CDH17: variants seen among roughly 807,000 people sequenced by gnomAD.
CDH17 encodes the protein cadherin 17.
A neutral mutation model predicts 86.3 loss-of-function variants in CDH17; 67 were observed. That is an observed-to-expected ratio of 0.78 (90% CI 0.64 to 0.95). The LOEUF (loss-of-function observed/expected upper bound fraction) is 0.95, where lower values mean the gene tolerates loss of function less well. CDH17 is among the 40% of genes least tolerant of loss of function. The probability of loss-of-function intolerance (pLI) is 0.00; values close to 1 mark genes in which losing one functional copy is unlikely to be tolerated. For missense variants in CDH17, 993 were observed against 1,017.6 expected (o/e 0.98, Z 0.33); for synonymous variants, 367 against 366.4 (o/e 1.00, Z -0.02).
chr8:94,209,086 G>A (rs1814082141), upstream of CDH17, among the ~76,000 whole-genome samples: 1 of 152,072 alleles, frequency 6.6e-6, no homozygotes, highest in Non-Finnish European at 1.5e-5. Context: ...AAATCCAAGG[G>A]TCCCTTCCAA....
At chr8:94,200,404 G>A (rs923533074) in intron 1 of CDH17, among the ~76,000 whole-genome samples, 6 of 152,180 alleles carry the variant, frequency 3.9e-5, no homozygotes, top group Non-Finnish European at 7.4e-5. Context: ...AACCGTCTGC[G>A]TGGAATTTTT....
chr8:94,165,342 A>G (rs1368992088), intron 10 of CDH17, among the ~76,000 whole-genome samples: 1 of 152,260 alleles, frequency 6.6e-6, no homozygotes, highest in East Asian at 1.9e-4. Flanking sequence ...AGCTGTGCCA[A>G]GCTTTCCTCA....
chr8:94,213,808 C>T (rs1038281774), intron 1 of CDH17, among the ~76,000 whole-genome samples: 1 of 152,164 alleles, frequency 6.6e-6, no homozygotes, highest in Admixed American at 6.5e-5. Context: ...AACACCATGG[C>T]GAGCTCTCCT....
intron 14 of CDH17, among the ~76,000 whole-genome samples, chr8:94,148,466 CA>C (rs1812788682): frequency 7.1e-6 from 1 of 141,720 alleles, no homozygotes; most frequent in Non-Finnish European, 1.5e-5. Flanking sequence ...TGCTTGAACC[CA>C]GGAGGTGGAG....
At chr8:94,212,642 A>T (rs1814140910), upstream of CDH17, among the ~76,000 whole-genome samples, 1 of 152,214 alleles carries the variant, frequency 6.6e-6, no homozygotes, top group African/African-American at 2.4e-5. Flanking sequence ...CTTAGCTGAC[A>T]GCCACCTTGC....
At chr8:94,210,134 T>C (rs1339207775), upstream of CDH17, among the ~76,000 whole-genome samples, 1 of 145,142 alleles carries the variant, frequency 6.9e-6, no homozygotes, top group East Asian at 2.0e-4. Flanking sequence ...GACTACAGAA[T>C]CGGGACTGCA....
At chr8:94,203,721 C>G (rs2129647148) in intron 1 of CDH17, among the ~76,000 whole-genome samples, 1 of 152,264 alleles carries the variant, frequency 6.6e-6, no homozygotes, top group African/African-American at 2.4e-5. Context: ...TAGAAACAAG[C>G]AGACAGGTAT....
intron 15 of CDH17, among the ~76,000 whole-genome samples, chr8:94,135,476 C>T (rs1011733912): frequency 4.6e-5 from 7 of 152,152 alleles, no homozygotes; most frequent in South Asian, 2.1e-4. Context: ...ACTAGGATTG[C>T]GATCCCTGCT....
intron 12 of CDH17, among the ~76,000 whole-genome samples, chr8:94,155,316 A>G (rs546884292): frequency 1.3e-5 from 2 of 151,984 alleles, no homozygotes; most frequent in African/African-American, 4.8e-5. Flanking sequence ...TCCCAGTCTC[A>G]GGGGATGACA....
chr8:94,207,930 G>T (rs77969070), intron 1 of CDH17, among the ~76,000 whole-genome samples: 11,236 of 152,226 alleles, frequency 0.074, 1,392 homozygotes, highest in African/African-American at 0.25. Flanking sequence ...GTGAAGGCAG[G>T]TCTGTCTGTC....
intron 12 of CDH17, among the ~76,000 whole-genome samples, chr8:94,155,703 G>A (rs1031911366): frequency 6.6e-6 from 1 of 152,174 alleles, no homozygotes; most frequent in Non-Finnish European, 1.5e-5. Flanking sequence ...CTTCATCCTT[G>A]ACTAACAAGG....
Position 94,147,987 on chromosome 8 carries a change from G to A in CDH17, c.1927+757C>T, listed in dbSNP as rs150993924. Among the ~76,000 whole-genome samples the A allele has an allele frequency of 3.9e-5, 6 of 152,310 alleles. No homozygotes were observed. The East Asian group carries it at 1.2e-3, about 29-fold the overall frequency. ...GGATTCTCACACACATCAAAGTAGA[G>A]AACATTTCATAAAACATTTTCTGCT... On this transcript the variant is annotated intron_variant, in intron 14 of 17. Transcript: ENST00000027335.
intron 1 of CDH17, among the ~76,000 whole-genome samples, chr8:94,199,862 T>G (rs759093233): frequency 1.3e-5 from 2 of 152,134 alleles, no homozygotes; most frequent in African/African-American, 2.4e-5. Context: ...GCAGGGATAA[T>G]AATAATAATA....
At chr8:94,167,040 A>G (rs1813170982) in intron 9 of CDH17, among the ~76,000 whole-genome samples, 1 of 152,206 alleles carries the variant, frequency 6.6e-6, no homozygotes, top group Admixed American at 6.5e-5. Context: ...AAATGGTATC[A>G]CTAAACAAAG....
chr8:94,169,023 A>C (rs1813219438), intron 9 of CDH17, among the ~76,000 whole-genome samples: 2 of 152,310 alleles, frequency 1.3e-5, no homozygotes, highest in Admixed American at 6.5e-5. Context: ...GACATGATAC[A>C]TGCTTGTTGT....
At chr8:94,186,298 C>T (rs186164933) in intron 3 of CDH17, among the ~76,000 whole-genome samples, 1 of 152,172 alleles carries the variant, frequency 6.6e-6, no homozygotes, top group African/African-American at 2.4e-5. Flanking sequence ...CCCAGTCAAG[C>T]AAGCCAGAGA....
At chr8:94,176,764 CA>C (rs1444589383) in intron 4 of CDH17, 85 bp from the exon 5 acceptor site, 10 of 1,372,976 alleles carry the variant, frequency 7.3e-6, no homozygotes, top group Non-Finnish European at 9.0e-6. Flanking sequence ...AATTAGAACT[CA>C]AAGAACCAAT....
At position 94,165,924 on chromosome 8, in the gene CDH17, G is replaced by A. The variant is rs1038082323; in HGVS notation, c.1119C>T (p.Ala373=). 3 of 1,613,874 alleles carry A rather than the reference G, an allele frequency of 1.9e-6. No homozygotes were observed. The highest frequency in any genetic ancestry group is 1.7e-6 in the Non-Finnish European group (2 of 1,179,868). Residue 373 remains alanine (A), a synonymous_variant, in exon 10 of 18, where the codon GCC becomes GCT. Coordinates refer to ENST00000027335, the MANE Select transcript of CDH17 (RefSeq NM_004063.4). ...TAHDRDEENT[A]NSFLNYRIVE... is the part of the protein sequence containing the mutation. Reference sequence around the variant, plus strand: ...CAATCCTGTAGTTTAGAAAACTGTTGGCAGTATTTTCTTCATCCCTGTCAT... The same window carrying A: ...CAATCCTGTAGTTTAGAAAACTGTTAGCAGTATTTTCTTCATCCCTGTCAT...
chr8:94,156,562 G>T (rs944873382), intron 12 of CDH17, among the ~76,000 whole-genome samples: 1 of 152,170 alleles, frequency 6.6e-6, no homozygotes, highest in African/African-American at 2.4e-5. Flanking sequence ...TACAGAGCAG[G>T]GAGCATTTCT....
Sources: allele counts gnomAD v4.1 joint callset (sites outside exome capture counted in the v4.1 genomes callset), GRCh38; gene constraint gnomAD v4.1.1; transcripts MANE v1.5; gene names NCBI Gene and HGNC (gene_info 2026-07-23, HGNC 2026-07-21).